AHNAK2: variants seen among roughly 807,000 people sequenced by gnomAD.
AHNAK2 encodes the protein AHNAK nucleoprotein 2, also known as protein AHNAK2.
In AHNAK2, 18 loss-of-function variants were observed where a neutral mutation model predicts 30.7. That is an observed-to-expected ratio of 0.59 (90% CI 0.41 to 0.87). The LOEUF is 0.87. AHNAK2 is among the 40% of genes least tolerant of loss of function. The probability of loss-of-function intolerance (pLI) is 0.00; values close to 1 mark genes in which losing one functional copy is unlikely to be tolerated. For missense variants in AHNAK2, 8,604 were observed against 7,373.0 expected (o/e 1.17, Z -6.11); for synonymous variants, 3,590 against 3,073.8 (o/e 1.17, Z -5.56).
rs1383586190 is a variant in AHNAK2 at position 104,941,617 on chromosome 14, C to T, written c.13834G>A (p.Gly4612Arg). ...GSMLDGARLE[G>R]DLSLAHEDVA... ...TCCTCGTGGGCCAGGGACAGGTCCCCCTCAAGCCGCGCACCATCCAGCATG... is the reference window on the plus strand; with the variant it reads ...TCCTCGTGGGCCAGGGACAGGTCCCTCTCAAGCCGCGCACCATCCAGCATG... Residue 4612 changes from glycine to arginine, a missense_variant, in exon 7 of 7, where the codon GGG (glycine) becomes AGG (arginine). Coordinates refer to ENST00000333244, the MANE Select transcript of AHNAK2 (RefSeq NM_138420.4). 1.1e-5 allele frequency: 18 copies of T among 1,613,452 alleles called. No individual in the cohort carries two copies. Among genetic ancestry groups the T allele is most frequent in the Non-Finnish European group, 1.5e-5 (18 of 1,179,892 alleles).
In AHNAK2 at chr14:104,942,012, T is replaced by A; in HGVS notation, c.13439A>T (p.Lys4480Met). 6.2e-7 allele frequency: 1 copy of A among 1,613,108 alleles called. No homozygotes were observed. The highest frequency in any genetic ancestry group is 1.1e-5 in the South Asian group (1 of 91,034). ...MPSFGMLSPG[K>M]SIEVSVDVSA... ...CACATCCACCGAGACCTCGATGGAC[T>A]TGCCTGGGGACAACATCCCAAAGGA... The change falls in exon 7 of 7, where the codon AAG (lysine) becomes ATG (methionine). Residue 4480 changes from lysine to methionine, a missense_variant. Lys to Met is a moderately conservative substitution (Grantham distance 95). Coordinates refer to ENST00000333244, the MANE Select transcript of AHNAK2 (RefSeq NM_138420.4).
chr14:104,963,692 T>A (rs1899215606), intron 1 of AHNAK2, among the ~76,000 whole-genome samples: 1 of 151,684 alleles, frequency 6.6e-6, no homozygotes, highest in Non-Finnish European at 1.5e-5. Flanking sequence ...TAGCCGGGTG[T>A]GGTGGCGGGT....
intron 1 of AHNAK2, among the ~76,000 whole-genome samples, chr14:104,962,867 A>C (rs1391477073): frequency 6.6e-6 from 1 of 152,242 alleles, no homozygotes; most frequent in Non-Finnish European, 1.5e-5. Context: ...TGAATTTGAA[A>C]TGAATCATAG....
In AHNAK2 at chr14:104,945,156, A is replaced by C; in HGVS notation, c.10295T>G (p.Val3432Gly). ...VPKAEVTVPD[V>G]EVSLPSVEVD... ...CTCCACGCTGGGCAGAGACACCTCC[A>C]CATCAGGGACTGTCACTTCCGCCTT... Residue 3432 changes from valine (V) to glycine (G), a missense_variant, in exon 7 of 7, where the codon GTG becomes GGG. Val to Gly is a moderately radical substitution (Grantham distance 109, BLOSUM62 -3). Transcript: ENST00000333244. 1.2e-6 allele frequency: 2 copies of C among 1,612,976 alleles called. No homozygotes were observed. Among genetic ancestry groups the C allele is most frequent in the Non-Finnish European group, 1.7e-6 (2 of 1,179,672 alleles).
chr14:104,944,718 A>C lies in AHNAK2; in HGVS notation c.10733T>G (p.Val3578Gly). Residue 3578 changes from valine (V) to glycine (G), a missense_variant, in exon 7 of 7, where the codon GTT (valine) becomes GGT (glycine). Transcript: ENST00000333244. ...KVDLKGPQID[V>G]KGPKLDLKGP... ...TTTCAGGTCCAGCTTGGGGCCCTTAACATCTATCTGGGGGCCCTTGAGGTC... is the reference window on the plus strand; with the variant it reads ...TTTCAGGTCCAGCTTGGGGCCCTTACCATCTATCTGGGGGCCCTTGAGGTC... 2 of 1,612,074 alleles carry C rather than the reference A, an allele frequency of 1.2e-6. No homozygotes were observed. Among genetic ancestry groups the C allele is most frequent in the Non-Finnish European group, 1.7e-6 (2 of 1,179,298 alleles).
At position 104,954,213 on chromosome 14, in the gene AHNAK2, C is replaced by A. The variant is rs1463578695; in HGVS notation, c.1238G>T (p.Gly413Val). The A allele has an allele frequency of 5.6e-6, 9 of 1,610,884 alleles. No homozygotes were observed. The highest frequency in any genetic ancestry group is 6.8e-6 in the Non-Finnish European group (8 of 1,179,754). Residue 413 changes from glycine to valine, a missense_variant, in exon 7 of 7, where the codon GGA becomes GTA. Transcript: ENST00000333244. The surrounding 1 kb of genome is among the most constrained non-coding windows in gnomAD (Gnocchi z 4.3). ...RLCEGTPQEGGLRAARLHGKT... is the reference protein window; with the variant it reads ...RLCEGTPQEGVLRAARLHGKT... ...TCCATGGAGCCTGGCTGCCCTGAGTCCCCCTTCCTGAGGGGTTCCCTCGCA... is the reference window on the plus strand; with the variant it reads ...TCCATGGAGCCTGGCTGCCCTGAGTACCCCTTCCTGAGGGGTTCCCTCGCA...
rs1781591788 is a variant in AHNAK2 at position 104,943,405 on chromosome 14, G to C, written c.12046C>G (p.Leu4016Val). 6.2e-7 allele frequency: 1 copy of C among 1,613,094 alleles called. No individual in the cohort carries two copies. The highest frequency in any genetic ancestry group is 1.3e-5 in the African/African-American group (1 of 74,744). Residue 4016 changes from leucine to valine, a missense_variant, in exon 7 of 7, where the codon CTC becomes GTC. Physicochemically the swap from Leu to Val is conservative, Grantham distance 32. Coordinates refer to ENST00000333244, the MANE Select transcript of AHNAK2 (RefSeq NM_138420.4). ...TCAGCGGAAGGGGGCTGAACGCTGA[G>C]GTCAGTGGCCTTGAGGTCCCCCTGC... ...SMQGDLKATD[L>V]SVQPPSADLE... is the part of the protein sequence containing the mutation.
chr14:104,952,078 A>C lies in AHNAK2; in HGVS notation c.3373T>G (p.Ser1125Ala). ...AEVTAPDVEV[S>A]LPSVEVDVEA... ...ACGTCCACCTCCACGCTGGGCAGAG[A>C]CACCTCCACATCAGGGGCTGTGACT... The change falls in exon 7 of 7, where the codon TCT (serine) becomes GCT (alanine). Residue 1125 changes from serine (S) to alanine (A), a missense_variant. By Grantham distance (99) the Ser-to-Ala change is moderately conservative. Transcript: ENST00000333244. The C allele has an allele frequency of 6.2e-7, 1 of 1,612,392 alleles. No individual in the cohort carries two copies. The highest frequency in any genetic ancestry group is 1.1e-5 in the South Asian group (1 of 90,990).
At chr14:104,969,075 G>A (rs1180541589) in intron 1 of AHNAK2, among the ~76,000 whole-genome samples, 2 of 152,142 alleles carry the variant, frequency 1.3e-5, no homozygotes, top group African/African-American at 4.8e-5. Context: ...AACATCCCCC[G>A]CCCCTCCCCG....
chr14:104,946,334 A>C lies in AHNAK2; in HGVS notation c.9117T>G (p.Ala3039=). The C allele has an allele frequency of 6.2e-7, 1 of 1,612,106 alleles. No individual in the cohort carries two copies. The highest frequency in any genetic ancestry group is 8.5e-7 in the Non-Finnish European group (1 of 1,179,366). ...CTGGGAGCTTCAGGTCCACCTGGCC[A>C]GCCTGGACCTCCAGTTGGGCAGAGG... ...EPPSAQLEVQ[A]GQVDLKLPEG... is the part of the protein sequence containing the mutation. Residue 3039 remains alanine (A), a synonymous_variant, in exon 7 of 7, where the codon GCT becomes GCG. Transcript: ENST00000333244.
At position 104,951,818 on chromosome 14, in the gene AHNAK2, G is replaced by A. The variant is rs141600524; in HGVS notation, c.3633C>T (p.Leu1211=). 11 of 1,310,730 alleles carry A rather than the reference G, an allele frequency of 8.4e-6. 5 individuals are homozygous for A. The highest frequency in any genetic ancestry group is 5.1e-5 in the South Asian group (4 of 78,248). The allele number at this position is 1,310,730 out of a possible 1,614,324, so 81.2% of individuals were successfully genotyped here. A position where few individuals can be genotyped will look rare whatever the true frequency, so the allele number is the denominator to read the frequency against. ...SMQGDLKTTD[L]SIQPPSADLE... ...GGTCAGCGGAAGGGGGCTGAATGCT[G>A]AGGTCAGTGGTCTTGAGGTCCCCCT... Residue 1211 remains leucine (L), a synonymous_variant, in exon 7 of 7, where the codon CTC becomes CTT. Transcript: ENST00000333244.
chr14:104,967,077 TGG>T (rs769147809), intron 1 of AHNAK2, among the ~76,000 whole-genome samples: 1 of 152,148 alleles, frequency 6.6e-6, no homozygotes, highest in Non-Finnish European at 1.5e-5. Flanking sequence ...CAGGTGCAGC[TGG>T]GGTCATGAGT....
rs1899017620 is a variant in AHNAK2, at chr14:104,957,646, C to T, written c.82G>A (p.Glu28Lys). Residue 28 changes from glutamate (E) to lysine (K), a missense_variant, in exon 2 of 7, where the codon GAG (glutamate) becomes AAG (lysine). Coordinates refer to ENST00000333244, the MANE Select transcript of AHNAK2 (RefSeq NM_138420.4). The part of the protein sequence containing the change: ...SVSGRQLQPG[E>K]PGAETEDDHS... ...TCATCTTCCGTTTCTGCACCTGGCTCCCCGGGCTGCAGCTGACGGCCGGAC... is the reference window on the plus strand; with the variant it reads ...TCATCTTCCGTTTCTGCACCTGGCTTCCCGGGCTGCAGCTGACGGCCGGAC... The T allele has an allele frequency of 1.9e-6, 3 of 1,611,128 alleles. No individual in the cohort carries two copies. The highest frequency in any genetic ancestry group is 2.5e-6 in the Non-Finnish European group (3 of 1,179,214).
rs1242252361 is a variant in AHNAK2 at position 104,943,620 on chromosome 14, T to G, written c.11831A>C (p.Lys3944Thr). 1 of 1,613,178 alleles carries G rather than the reference T, an allele frequency of 6.2e-7. No homozygotes were observed. Among genetic ancestry groups the G allele is most frequent in the Admixed American group, 1.7e-5 (1 of 59,942 alleles). The change falls in exon 7 of 7, where the codon AAG (lysine) becomes ACG (threonine). Residue 3944 changes from lysine to threonine, a missense_variant. Coordinates refer to ENST00000333244, the MANE Select transcript of AHNAK2 (RefSeq NM_138420.4). ...CCCCTCCAGCCGCGCACCATCCAGC[T>G]TGGCTCCTGGGGCCTCGACGTCCAC... Reference protein sequence around the residue: ...VEVDVEAPGAKLDGARLEGDL... With the variant: ...VEVDVEAPGATLDGARLEGDL...
At chr14:104,971,873 G>A (rs534565556) in intron 1 of AHNAK2, among the ~76,000 whole-genome samples, 12 of 152,398 alleles carry the variant, frequency 7.9e-5, no homozygotes, top group South Asian at 2.1e-4. Context: ...CCACACAGCC[G>A]AGGCCCAGCC....
rs1185816834 is a variant in AHNAK2 at position 104,943,016 on chromosome 14, C to T, written c.12435G>A (p.Val4145=). 3 of 1,613,192 alleles carry T rather than the reference C, an allele frequency of 1.9e-6. No homozygotes were observed. In the African/African-American group the frequency reaches 4.0e-5, roughly 22 times the overall value. The part of the protein sequence containing the change: ...MPKFKMPSFG[V]SAPGKSMEAS... ...CCTCCATGGACTTGCCTGGGGCCGA[C>T]ACCCCGAATGATGGCATCTTGAACT... Residue 4145 remains valine (V), a synonymous_variant, in exon 7 of 7, where the codon GTG becomes GTA. Transcript: ENST00000333244.
At position 104,941,872 on chromosome 14, in the gene AHNAK2, C is replaced by G; in HGVS notation, c.13579G>C (p.Val4527Leu). The G allele has an allele frequency of 6.2e-7, 1 of 1,613,460 alleles. No individual in the cohort carries two copies. The highest frequency in any genetic ancestry group is 1.7e-5 in the Admixed American group (1 of 59,996). ...TGGCCTTCTGGAAGTTTCAAGTCCACCTGGCCAGCCTGGACCTCCAGGTCG... is the reference window on the plus strand; with the variant it reads ...TGGCCTTCTGGAAGTTTCAAGTCCAGCTGGCCAGCCTGGACCTCCAGGTCG... ...SADLEVQAGQ[V>L]DLKLPEGHMP... The change falls in exon 7 of 7, where the codon GTG becomes CTG. Residue 4527 changes from valine to leucine, a missense_variant. By Grantham distance (32) the Val-to-Leu change is conservative. Transcript: ENST00000333244.
chr14:104,948,624 T>C lies in AHNAK2; in HGVS notation c.6827A>G (p.Asp2276Gly). 1 of 1,612,228 alleles carries C rather than the reference T, an allele frequency of 6.2e-7. No homozygotes were observed. The highest frequency in any genetic ancestry group is 8.5e-7 in the Non-Finnish European group (1 of 1,179,708). ...CACGCTGGGCAGAGACACCTCCACA[T>C]CAGGGGCTGTCACTTCCACCTTGGG... ...KDPKVEVTAP[D>G]VEVSLPSVEV... The change falls in exon 7 of 7, where the codon GAT becomes GGT. Residue 2276 changes from aspartate to glycine, a missense_variant. Coordinates refer to ENST00000333244, the MANE Select transcript of AHNAK2 (RefSeq NM_138420.4).
Position 104,939,891 on chromosome 14 carries a change from T to C in AHNAK2, c.15560A>G (p.Glu5187Gly), listed in dbSNP as rs1195158226. 1 of 1,613,444 alleles carries C rather than the reference T, an allele frequency of 6.2e-7. No individual in the cohort carries two copies. Among genetic ancestry groups the C allele is most frequent in the African/African-American group, 1.3e-5 (1 of 74,938 alleles). ...GAACTTGGGCATTTTAAACCAGCTT[T>C]CCTGCGAGTACTTGGTCATGGCTTC... ...EEEAMTKYSQ[E>G]SWFKMPKFRM... The change falls in exon 7 of 7, where the codon GAA becomes GGA. Residue 5187 changes from glutamate (E) to glycine (G), a missense_variant. Transcript: ENST00000333244.
Sources: gnomAD v4.1 joint callset for allele counts (sites outside exome capture counted in the v4.1 genomes callset) on GRCh38, gnomAD v4.1.1 for gene constraint, Gnocchi (gnomAD v3.1) non-coding constraint, MANE v1.5 for transcripts, NCBI Gene and HGNC (gene_info 2026-07-23, HGNC 2026-07-21) for gene names.